CCDC7: variants seen among roughly 807,000 people sequenced by gnomAD.
The protein encoded by CCDC7 is coiled-coil domain containing 7, also known as coiled-coil domain-containing protein 7.
Under a neutral mutation model 196.9 loss-of-function variants are expected in CCDC7, and 183 were observed. The observed-to-expected ratio is 0.93, with a 90% CI of 0.82 to 1.05. The LOEUF is 1.05. CCDC7 is among the 50% of genes least tolerant of loss of function. CCDC7 has a pLI of 0.00. For missense variants in CCDC7, 1,540 were observed against 1,482.2 expected (o/e 1.04, Z -0.64); for synonymous variants, 525 against 484.6 (o/e 1.08, Z -1.10).
At chr10:32,613,891 C>T (rs1021856122) in intron 18 of CCDC7, among the ~76,000 whole-genome samples, 1 of 152,126 alleles carries the variant, frequency 6.6e-6, no homozygotes, top group African/African-American at 2.4e-5. Flanking sequence ...GTGAAGAGTT[C>T]TGTAGATGTT....
intron 8 of CCDC7, among the ~76,000 whole-genome samples, chr10:32,491,198 A>G (rs941695999): frequency 1.3e-5 from 2 of 152,122 alleles, no homozygotes; most frequent in Admixed American, 6.5e-5. Flanking sequence ...GACACGTGGG[A>G]TAGAAAAAAT....
rs1036670919 is a variant in CCDC7 at position 32,796,109 on chromosome 10, G to C, written c.3014-8906G>C. Among the ~76,000 whole-genome samples, 27 of 151,730 alleles carry C rather than the reference G, an allele frequency of 1.8e-4. 1 individual carries two copies. The highest frequency in any genetic ancestry group is 4.0e-4 in the Non-Finnish European group (27 of 67,978). Reference sequence around the variant, plus strand: ...GTCCTCAGGGATATTTCTCACTTCAGGCTCTCTTATTCTTCCCAGGGATTG... The same window carrying C: ...GTCCTCAGGGATATTTCTCACTTCACGCTCTCTTATTCTTCCCAGGGATTG... On this transcript the variant is annotated intron_variant, in intron 29 of 41. Coordinates refer to ENST00000639629, the Ensembl canonical transcript of CCDC7.
At chr10:32,814,302 A>G (rs899804621) in intron 30 of CCDC7, 68 bp from the exon 32 acceptor site, 4 of 1,077,514 alleles carry the variant, frequency 3.7e-6, no homozygotes, top group Non-Finnish European at 5.7e-6. Flanking sequence ...ATGTACATGC[A>G]CTCACACTGT....
At chr10:32,590,695 G>T (rs1489142556) in intron 18 of CCDC7, among the ~76,000 whole-genome samples, 2 of 152,060 alleles carry the variant, frequency 1.3e-5, no homozygotes, top group African/African-American at 4.8e-5. Flanking sequence ...CTCAGCTTTT[G>T]TTTGTCTGGG....
chr10:32,486,766 G>T (rs2041183208), intron 8 of CCDC7, among the ~76,000 whole-genome samples: 4 of 149,774 alleles, frequency 2.7e-5, no homozygotes, highest in Admixed American at 2.0e-4. Flanking sequence ...AGTTTGGCTG[G>T]ATATGAGATT....
chr10:32,827,742 A>G (rs1209373729), intron 32 of CCDC7, among the ~76,000 whole-genome samples: 2 of 152,198 alleles, frequency 1.3e-5, no homozygotes, highest in Non-Finnish European at 2.9e-5. Flanking sequence ...ATGTATACCT[A>G]TGTAACAAAC....
At chr10:32,797,227 ATATGTGTATATATATGCGTATATATATG>A (rs1461119210) in intron 29 of CCDC7, among the ~76,000 whole-genome samples, 1 of 151,236 alleles carries the variant, frequency 6.6e-6, no homozygotes, top group African/African-American at 2.4e-5. Context: ...ACACACATAT[ATATGTGTATATATATGCGTATATATATG>A]TGTGTATATA....
At chr10:32,696,859 T>C (rs2077799491) in intron 24 of CCDC7, among the ~76,000 whole-genome samples, 1 of 152,184 alleles carries the variant, frequency 6.6e-6, no homozygotes, top group South Asian at 2.1e-4. Flanking sequence ...ATTTGACATG[T>C]ACAGGCCATT....
At chr10:32,733,015 A>G (rs1282166802) in intron 28 of CCDC7, among the ~76,000 whole-genome samples, 3 of 152,110 alleles carry the variant, frequency 2.0e-5, no homozygotes, top group Non-Finnish European at 4.4e-5. Flanking sequence ...TAATGTAAGT[A>G]CTGATATTTT....
intron 5 of CCDC7, 141 bp downstream of exon 6, chr10:32,463,190 C>A: frequency 9.3e-7 from 1 of 1,071,288 alleles, no homozygotes; most frequent in Non-Finnish European, 1.3e-6. Flanking sequence ...TTTGGGTAGA[C>A]AAGGAATAAG....
chr10:32,457,227 A>G (rs2034551638), intron 3 of CCDC7, among the ~76,000 whole-genome samples: 1 of 152,042 alleles, frequency 6.6e-6, no homozygotes. Flanking sequence ...GCATTTGCAT[A>G]TTGGCAAGAA....
intron 14 of CCDC7, among the ~76,000 whole-genome samples, 159 bp downstream of exon 15, chr10:32,565,779 A>G (rs1426410400): frequency 1.3e-5 from 2 of 152,208 alleles, no homozygotes; most frequent in Non-Finnish European, 2.9e-5. Flanking sequence ...TTAGGGGTAT[A>G]TTAATAAAAT....
At chr10:32,701,049 C>A (rs541423967) in intron 24 of CCDC7, among the ~76,000 whole-genome samples, 11 of 152,256 alleles carry the variant, frequency 7.2e-5, no homozygotes, top group South Asian at 4.1e-4. Flanking sequence ...TCCTTTATTT[C>A]CTTCTCCTGC....
At chr10:32,622,536 A>G (rs2063528192) in intron 18 of CCDC7, among the ~76,000 whole-genome samples, 1 of 151,878 alleles carries the variant, frequency 6.6e-6, no homozygotes. Flanking sequence ...TTTTTTTAGG[A>G]TATAGAATTG....
chr10:32,882,616 C>A (rs1269198080), intron 22 of CCDC7, 77 bp from the exon 44 acceptor site: 2 of 152,020 alleles, frequency 1.3e-5, no homozygotes, highest in African/African-American at 4.8e-5. Flanking sequence ...CTGAACATTT[C>A]AGAAAGGTTT....
At chr10:32,610,626 T>A (rs1264083786) in intron 18 of CCDC7, among the ~76,000 whole-genome samples, 3 of 152,150 alleles carry the variant, frequency 2.0e-5, no homozygotes, top group Non-Finnish European at 4.4e-5. Context: ...CGGGAGCCCA[T>A]ATGTTCTCAT....
At chr10:32,821,025 A>G (rs1447593638) in intron 31 of CCDC7, among the ~76,000 whole-genome samples, 1 of 152,218 alleles carries the variant, frequency 6.6e-6, no homozygotes, top group East Asian at 1.9e-4. Context: ...CAGAGTGAAC[A>G]GGCAACCTAC....
chr10:32,709,251 C>T (rs1175318788), intron 24 of CCDC7, among the ~76,000 whole-genome samples: 1 of 143,354 alleles, frequency 7.0e-6, no homozygotes, highest in East Asian at 2.1e-4. Context: ...TGTTCTCACT[C>T]ATAGGTGGGA....
At chr10:32,854,893 T>C (rs978206839) in intron 41 of CCDC7, among the ~76,000 whole-genome samples, 5 of 151,938 alleles carry the variant, frequency 3.3e-5, no homozygotes, top group Non-Finnish European at 7.4e-5. Context: ...TGTTCATATA[T>C]ATTTATGTCA....
Sources: allele counts gnomAD v4.1 joint callset (sites outside exome capture counted in the v4.1 genomes callset), GRCh38; gene constraint gnomAD v4.1.1; transcripts MANE v1.5; gene names NCBI Gene and HGNC (gene_info 2026-07-23, HGNC 2026-07-21).